The following KIF13A variants were observed in gnomAD, a reference collection of about 807,000 sequenced individuals.
The protein encoded by KIF13A is kinesin-like protein KIF13A.
Under a neutral mutation model 212.2 loss-of-function variants are expected in KIF13A, and 79 were observed. That is an observed-to-expected ratio of 0.37 (90% confidence interval 0.31 to 0.45). The LOEUF is 0.45. Ranked by LOEUF, KIF13A falls within the 20% of genes least tolerant of loss-of-function variation. KIF13A has a pLI of 1.00. For synonymous variants in KIF13A, 789 were observed against 808.6 expected (o/e 0.98, Z 0.41); for missense variants, 1,901 against 2,209.0 (o/e 0.86, Z 2.79).
intron 2 of KIF13A, among the ~76,000 whole-genome samples, chr6:17,936,815 T>C (rs1168740341): frequency 6.6e-6 from 1 of 152,216 alleles, no homozygotes; most frequent in Non-Finnish European, 1.5e-5. Flanking sequence ...ATTTATGTGT[T>C]ACATTTAAGT....
At position 17,961,499 on chromosome 6, in the gene KIF13A, T is replaced by C. The variant is rs1221129563; in HGVS notation, c.146+25555A>G. 1.3e-5 allele frequency among the ~76,000 whole-genome samples: 2 copies of C among 152,208 alleles called. No homozygotes were observed. Among genetic ancestry groups the C allele is most frequent in the Non-Finnish European group, 2.9e-5 (2 of 68,032 alleles). ...ATGTAGAGTCAAATTGAACTTTTAA[T>C]ATTTTACCAACTGACTACCATAAAT... is the stretch of plus-strand genomic sequence containing the variant. On this transcript the variant is annotated intron_variant, in intron 2 of 38. Coordinates refer to ENST00000259711, the MANE Select transcript of KIF13A (RefSeq NM_022113.6). The surrounding 1 kb of genome is among the most constrained non-coding windows in gnomAD (Gnocchi z 4.1).
Position 17,825,771 on chromosome 6 carries a change from T to C in KIF13A, c.1783A>G (p.Asn595Asp). ...MEVIMKTLNS[N>D]DPVQNVVQVL... ...GAACACAGAGTGAGGGTCTTACCAT[T>C]ACTATTCAGGGTTTTCATGATAACT... The change falls in exon 16 of 39, where the codon AAT (asparagine) becomes GAT (aspartate). Residue 595 changes from asparagine (N) to aspartate (D), a missense_variant. By Grantham distance (23) the Asn-to-Asp change is conservative (BLOSUM62 1). This residue lies in a region of KIF13A where 534 missense variants were observed against 536.9 expected (regional missense o/e 0.99). Coordinates refer to ENST00000259711, the MANE Select transcript of KIF13A (RefSeq NM_022113.6). This position sits in a 1 kb window ranked among gnomAD's most constrained non-coding sequence, Gnocchi z 4.5. 1 of 1,613,380 alleles carries C rather than the reference T, an allele frequency of 6.2e-7. No individual in the cohort carries two copies. Among genetic ancestry groups the C allele is most frequent in the African/African-American group, 1.3e-5 (1 of 75,002 alleles).
In KIF13A at chr6:17,779,617, T is replaced by G; in HGVS notation, c.3914A>C (p.Tyr1305Ser). Residue 1305 changes from tyrosine to serine, a missense_variant, in exon 32 of 39, where the codon TAT becomes TCT. By Grantham distance (144) the Tyr-to-Ser change is moderately radical (BLOSUM62 -2). Transcript: ENST00000259711. The stretch of plus-strand genomic sequence containing the variant: ...CTTTGGTATATTGGATACTATTTCA[T>G]AGGTTACACCACAGGAATAAAATAT... ...KNIFYSCGVT[Y>S]EIVSNIPKAT... The G allele has an allele frequency of 6.7e-7, 1 of 1,500,376 alleles. No individual in the cohort carries two copies. The highest frequency in any genetic ancestry group is 9.2e-7 in the Non-Finnish European group (1 of 1,084,514). 92.9% of individuals were successfully genotyped at this position (1,500,376 alleles called of 1,614,324 possible).
At chr6:17,842,385 A>G (rs1766612628) in intron 9 of KIF13A, among the ~76,000 whole-genome samples, 1 of 152,088 alleles carries the variant, frequency 6.6e-6, no homozygotes, top group Non-Finnish European at 1.5e-5. Context: ...TTTTATTCCC[A>G]GGGAACTTAA....
Position 17,926,254 on chromosome 6 carries a change from C to T in KIF13A, c.147-28074G>A, listed in dbSNP as rs6909576. Among the ~76,000 whole-genome samples the T allele has an allele frequency of 0.53, 80,290 of 151,894 alleles. 22,760 individuals carry two copies. The highest frequency in any genetic ancestry group is 0.64 in the Non-Finnish European group (43,720 of 67,932). On this transcript the variant is annotated intron_variant, in intron 2 of 38. Transcript: ENST00000259711. The surrounding 1 kb of genome is among the most constrained non-coding windows in gnomAD (Gnocchi z 4.3). Reference sequence around the variant, plus strand: ...GGTGCATTTCTTTATTTTTTTGAGGCAGAGTCTCACTCTGTCACCCAGACT... The same window carrying T: ...GGTGCATTTCTTTATTTTTTTGAGGTAGAGTCTCACTCTGTCACCCAGACT...
At position 17,951,293 on chromosome 6, in the gene KIF13A, A is replaced by T. The variant is rs1168491144; in HGVS notation, c.146+35761T>A. 1 of 599,920 alleles carries T rather than the reference A, an allele frequency of 1.7e-6. No individual in the cohort carries two copies. The highest frequency in any genetic ancestry group is 2.9e-6 in the Non-Finnish European group (1 of 344,138). 37.2% of individuals were successfully genotyped at this position (599,920 alleles called of 1,614,324 possible). A position where few individuals can be genotyped will look rare whatever the true frequency, so the allele number is the denominator to read the frequency against. ...CAGGTATGCGCCACCACGTCCAGCTAATTTTAAACAAATTTTTTGTAGAGA... is the reference window on the plus strand; with the variant it reads ...CAGGTATGCGCCACCACGTCCAGCTTATTTTAAACAAATTTTTTGTAGAGA... On this transcript the variant is annotated intron_variant, in intron 2 of 38. Coordinates refer to ENST00000259711, the MANE Select transcript of KIF13A (RefSeq NM_022113.6). The surrounding 1 kb of genome is among the most constrained non-coding windows in gnomAD (Gnocchi z 4.9).
chr6:17,986,578 G>C (rs1188333965), intron 2 of KIF13A, among the ~76,000 whole-genome samples: 1 of 152,196 alleles, frequency 6.6e-6, no homozygotes, highest in African/African-American at 2.4e-5. Context: ...CAAGACTTTT[G>C]CTTTATTTTT....
Position 17,850,471 on chromosome 6 carries a change from A to G in KIF13A, c.583-14T>C. 1 of 1,606,754 alleles carries G rather than the reference A, an allele frequency of 6.2e-7. No individual in the cohort carries two copies. Among genetic ancestry groups the G allele is most frequent in the Non-Finnish European group, 8.5e-7 (1 of 1,176,288 alleles). On this transcript the variant is annotated splice_polypyrimidine_tract_variant and intron_variant, in intron 7 of 38. Coordinates refer to ENST00000259711, the MANE Select transcript of KIF13A (RefSeq NM_022113.6). The surrounding 1 kb of genome is among the most constrained non-coding windows in gnomAD (Gnocchi z 6.2). The stretch of plus-strand genomic sequence containing the variant: ...TGACTCAATATCCTAGGGGCAAAGC[A>G]TAAGGAAAAGACCATAAGCAAAAAC...
intron 19 of KIF13A, 48 bp downstream of exon 19, chr6:17,805,427 C>A: frequency 6.6e-7 from 1 of 1,513,024 alleles, no homozygotes; most frequent in East Asian, 2.3e-5. Flanking sequence ...CGCTTATATT[C>A]TCTGTTTTTA....
intron 2 of KIF13A, among the ~76,000 whole-genome samples, chr6:17,901,953 C>T (rs903546904): frequency 2.6e-5 from 4 of 152,242 alleles, no homozygotes; most frequent in South Asian, 4.1e-4. Flanking sequence ...GCTGAGATCA[C>T]GCCACTGCAC....
Position 17,837,811 on chromosome 6 carries a change from G to C in KIF13A, c.831-228C>G, listed in dbSNP as rs1766108859. Among the ~76,000 whole-genome samples, 1 of 151,744 alleles carries C rather than the reference G, an allele frequency of 6.6e-6. No individual in the cohort carries two copies. The highest frequency in any genetic ancestry group is 1.5e-5 in the Non-Finnish European group (1 of 67,964). On this transcript the variant is annotated intron_variant, in intron 9 of 38. Transcript: ENST00000259711. This position sits in a 1 kb window ranked among gnomAD's most constrained non-coding sequence, Gnocchi z 5.4. ...TACTAAAAATACAAAAAATTAGCTG[G>C]GCGTGGTGGCAGGTGCCTGTAATCC...
At chr6:17,774,873 A>G (rs1759804551) in intron 35 of KIF13A, 142 bp downstream of exon 35, 1 of 555,968 alleles carries the variant, frequency 1.8e-6, no homozygotes, top group South Asian at 2.7e-5. Flanking sequence ...TAAGATGGGA[A>G]GCCCAGAGAT....
chr6:17,985,633 GGGGGGGT>G (rs1781485849), intron 2 of KIF13A, among the ~76,000 whole-genome samples: 1 of 97,698 alleles, frequency 1.0e-5, no homozygotes, highest in Admixed American at 1.0e-4. Context: ...TGCAGTTTGC[GGGGGGGT>G]GGGGGGAGGG....
At position 17,786,789 on chromosome 6, in the gene KIF13A, A is replaced by G. The variant is rs1376180004; in HGVS notation, c.3361+987T>C. On this transcript the variant is annotated intron_variant, in intron 27 of 38. Coordinates refer to ENST00000259711, the MANE Select transcript of KIF13A (RefSeq NM_022113.6). The surrounding 1 kb of genome is among the most constrained non-coding windows in gnomAD (Gnocchi z 5.4). The stretch of plus-strand genomic sequence containing the variant: ...TTTCATTAGCAGCCTGAGCACACAC[A>G]CAAGGCGACATCACATGTTGAGCCA... 6.6e-6 allele frequency among the ~76,000 whole-genome samples: 1 copy of G among 152,134 alleles called. No individual in the cohort carries two copies. Among genetic ancestry groups the G allele is most frequent in the Non-Finnish European group, 1.5e-5 (1 of 68,008 alleles).
Position 17,982,677 on chromosome 6 carries a change from T to C in KIF13A, c.146+4377A>G, listed in dbSNP as rs542723027. Among the ~76,000 whole-genome samples the C allele has an allele frequency of 2.0e-4, 31 of 152,170 alleles. No individual in the cohort carries two copies. The highest frequency in any genetic ancestry group is 4.3e-4 in the Non-Finnish European group (29 of 68,026). On this transcript the variant is annotated intron_variant, in intron 2 of 38. Transcript: ENST00000259711. This position sits in a 1 kb window ranked among gnomAD's most constrained non-coding sequence, Gnocchi z 5.1. Reference sequence around the variant, plus strand: ...TTTATTTTGGAGTCTTACCTTACAATTCACTTACATAAAATAATTAAGAAC... The same window carrying C: ...TTTATTTTGGAGTCTTACCTTACAACTCACTTACATAAAATAATTAAGAAC...
rs1283084397 is a variant in KIF13A at position 17,829,730 on chromosome 6, A to G, written c.1402-1360T>C. The stretch of plus-strand genomic sequence containing the variant: ...ATTTCAGAGACAATTCCTTACCCCT[A>G]CTCATTGCCTAAATGAACAGATCTT... On this transcript the variant is annotated intron_variant, in intron 13 of 38. Coordinates refer to ENST00000259711, the MANE Select transcript of KIF13A (RefSeq NM_022113.6). This position sits in a 1 kb window ranked among gnomAD's most constrained non-coding sequence, Gnocchi z 5.4. 6.6e-6 allele frequency among the ~76,000 whole-genome samples: 1 copy of G among 152,008 alleles called. No homozygotes were observed. The highest frequency in any genetic ancestry group is 2.4e-5 in the African/African-American group (1 of 41,406).
chr6:17,950,985 A>T, intron 2 of KIF13A: 1 of 977,630 alleles, frequency 1.0e-6, no homozygotes, highest in Non-Finnish European at 1.2e-6. Context: ...TAATTTCTCA[A>T]ATGAATATAA....
chr6:17,830,186 G>A (rs1004445877), intron 13 of KIF13A, among the ~76,000 whole-genome samples: 12 of 152,142 alleles, frequency 7.9e-5, no homozygotes, highest in Non-Finnish European at 1.3e-4. Flanking sequence ...GAGAACCCCC[G>A]GGGTCTCTGA....
downstream of KIF13A, among the ~76,000 whole-genome samples, chr6:17,762,522 AT>A (rs1373829134): frequency 7.2e-5 from 11 of 152,058 alleles, no homozygotes; most frequent in African/African-American, 2.4e-4. Context: ...ATGAATATGA[AT>A]TTTTAAGAGG....
Sources: allele counts gnomAD v4.1 joint callset (sites outside exome capture counted in the v4.1 genomes callset), GRCh38; gene constraint gnomAD v4.1.1; regional missense constraint gnomAD v4.1.1; non-coding constraint Gnocchi (gnomAD v3.1); transcripts MANE v1.5; gene names NCBI Gene and HGNC (gene_info 2026-07-23, HGNC 2026-07-21).